Variants in STARD9 observed in about 807,000 individuals in gnomAD.
STARD9 encodes the protein stAR-related lipid transfer protein 9.
In STARD9, 346 loss-of-function variants were observed where a neutral mutation model predicts 399.8. That is an observed-to-expected ratio of 0.87 (90% CI 0.79 to 0.95). The LOEUF (loss-of-function observed/expected upper bound fraction) is 0.95. Ranked by LOEUF, STARD9 falls within the 40% of genes least tolerant of loss-of-function variation. The probability of loss-of-function intolerance (pLI) is 0.00; values close to 1 mark genes in which losing one functional copy is unlikely to be tolerated. For missense variants in STARD9, 5,832 were observed against 5,667.5 expected, an observed-to-expected ratio of 1.03 and a Z score of -0.93; for synonymous variants, 2,203 against 2,143.5, an observed-to-expected ratio of 1.03 and a Z score of -0.77.
chr15:42,577,885 C>CATT (rs1403721799), intron 1 of STARD9, among the ~76,000 whole-genome samples: 1 of 152,200 alleles, frequency 6.6e-6, no homozygotes, highest in Non-Finnish European at 1.5e-5. Flanking sequence ...AGTTGACAGT[C>CATT]ATTGGATCTG....
chr15:42,675,798 T>A, intron 19 of STARD9, 52 bp downstream of exon 19: 1 of 1,533,304 alleles, frequency 6.5e-7, no homozygotes, highest in Non-Finnish European at 8.7e-7. Context: ...GTTTCCACCT[T>A]TTAGATGAAA....
intron 3 of STARD9, among the ~76,000 whole-genome samples, chr15:42,592,619 A>G (rs980056830): frequency 6.6e-6 from 1 of 151,332 alleles, no homozygotes; most frequent in African/African-American, 2.4e-5. Context: ...TAATTTTTGT[A>G]TTTGTAGTAG....
At chr15:42,674,712 C>T in intron 17 of STARD9, 115 bp from the exon 18 acceptor site, 2 of 1,408,614 alleles carry the variant, frequency 1.4e-6, no homozygotes, top group Non-Finnish European at 9.3e-7. Flanking sequence ...AGCTCTTCCT[C>T]TTTTATTATG....
At chr15:42,594,483 T>G (rs937959340) in intron 3 of STARD9, among the ~76,000 whole-genome samples, 39 of 152,210 alleles carry the variant, frequency 2.6e-4, no homozygotes, top group African/African-American at 9.2e-4. Flanking sequence ...AAGAGTAACT[T>G]GTACAGAATT....
chr15:42,661,507 T>A (rs1000558831), intron 10 of STARD9, among the ~76,000 whole-genome samples: 3 of 152,084 alleles, frequency 2.0e-5, no homozygotes, highest in African/African-American at 7.2e-5. Context: ...TGCAGTAGTA[T>A]GATCATGGCT....
chr15:42,679,112 T>G (rs185998838), intron 20 of STARD9, among the ~76,000 whole-genome samples: 182 of 152,226 alleles, frequency 1.2e-3, no homozygotes, highest in African/African-American at 4.3e-3. Flanking sequence ...TCTCAGGGAG[T>G]TCAGATAAAG....
chr15:42,712,090 T>TATATA (rs1566966065), intron 26 of STARD9, among the ~76,000 whole-genome samples: 17 of 6,140 alleles, frequency 2.8e-3, no homozygotes, highest in Admixed American at 6.7e-3. Flanking sequence ...ATTATATATA[T>TATATA]ATATATAATA....
In STARD9 at chr15:42,719,850, T is replaced by C; in HGVS notation, c.*276T>C. ...CCGCTCACCTTTTGGATTTCTCACC[T>C]TTCTTTCCTGTTTCTGGGACTCTGC... is the stretch of plus-strand genomic sequence containing the variant. On this transcript the variant is annotated 3_prime_UTR_variant, in exon 33 of 33. Coordinates refer to ENST00000290607, the MANE Select transcript of STARD9 (RefSeq NM_020759.3). 2 of 360,158 alleles carry C rather than the reference T, an allele frequency of 5.6e-6. No individual in the cohort carries two copies. The highest frequency in any genetic ancestry group is 5.1e-5 in the South Asian group (1 of 19,632). 22.3% of individuals were successfully genotyped at this position (360,158 alleles called of 1,614,324 possible).
chr15:42,675,955 C>A lies in STARD9; in HGVS notation c.1854C>A (p.Ser618=), dbSNP rs2060302756. The A allele has an allele frequency of 6.5e-7, 1 of 1,536,012 alleles. No individual in the cohort carries two copies. Among genetic ancestry groups the A allele is most frequent in the African/African-American group, 1.4e-5 (1 of 72,684 alleles). Residue 618 remains serine (S), a synonymous_variant, in exon 20 of 33, where the codon TCC becomes TCA. Coordinates refer to ENST00000290607, the MANE Select transcript of STARD9 (RefSeq NM_020759.3). Reference sequence around the variant, plus strand: ...TCGCTGCCTCCCGGCTGGGTCTCTCCCCTTTGCTTTGGAAGGAAAGGTAAG... The same window carrying A: ...TCGCTGCCTCCCGGCTGGGTCTCTCACCTTTGCTTTGGAAGGAAAGGTAAG... ...GDLAASRLGL[S]PLLWKERRAL... is the part of the protein sequence containing the mutation.
chr15:42,588,776 GTTTTTTTTTTTTTTTTTTTTTT>G (rs758570571), intron 3 of STARD9, among the ~76,000 whole-genome samples: 21 of 38,402 alleles, frequency 5.5e-4, no homozygotes, highest in Admixed American at 2.6e-3. Flanking sequence ...TCTTCACAGC[GTTTTTTTTTTTTTTTTTTTTTT>G]TTTTTTTTTT....
intron 3 of STARD9, among the ~76,000 whole-genome samples, chr15:42,617,425 C>T (rs896892232): frequency 4.6e-5 from 7 of 152,000 alleles, no homozygotes; most frequent in East Asian, 3.9e-4. Context: ...TACAGTGGCA[C>T]GATGTTGGCT....
intron 2 of STARD9, among the ~76,000 whole-genome samples, chr15:42,583,897 AAGGGAGTC>A (rs912568854): frequency 2.6e-5 from 4 of 152,202 alleles, no homozygotes; most frequent in African/African-American, 7.2e-5. Context: ...CAGATCCCAG[AAGGGAGTC>A]AGTCACTAGC....
chr15:42,582,333 T>C (rs1417149698), intron 1 of STARD9, among the ~76,000 whole-genome samples: 1 of 152,192 alleles, frequency 6.6e-6, no homozygotes, highest in Admixed American at 6.5e-5. Context: ...GTGGAGGATG[T>C]TCTAATTAAT....
intron 3 of STARD9, among the ~76,000 whole-genome samples, chr15:42,606,042 C>T (rs2058716418): frequency 6.6e-6 from 1 of 152,158 alleles, no homozygotes; most frequent in Non-Finnish European, 1.5e-5. Context: ...AAAAGTTGTA[C>T]TTAATTTTGG....
intron 20 of STARD9, among the ~76,000 whole-genome samples, chr15:42,677,053 C>G (rs1031523219): frequency 2.9e-5 from 4 of 137,812 alleles, no homozygotes; most frequent in South Asian, 4.7e-4. Context: ...GAGATCAAGA[C>G]CATCCTGGCT....
Position 42,660,715 on chromosome 15 carries a change from C to T in STARD9, c.703-443C>T, listed in dbSNP as rs191081200. On this transcript the variant is annotated intron_variant, in intron 9 of 32. Transcript: ENST00000290607. ...ATGGCGCTAAATAGAACTTACAGGG[C>T]AGAGTTTCTACCCTGGCAAGTTAAG... 3.8e-3 allele frequency among the ~76,000 whole-genome samples: 585 copies of T among 152,080 alleles called. 2 individuals carry two copies. Among genetic ancestry groups the T allele is most frequent in the African/African-American group, 0.014 (561 of 41,498 alleles).
chr15:42,669,070 G>A (rs1566919576), intron 15 of STARD9, 88 bp from the exon 16 acceptor site: 1 of 1,182,642 alleles, frequency 8.5e-7, no homozygotes, highest in Non-Finnish European at 1.2e-6. Context: ...GCAGTACCCT[G>A]GGGAAATAGG....
intron 26 of STARD9, among the ~76,000 whole-genome samples, chr15:42,714,465 T>C (rs2140408517): frequency 6.6e-6 from 1 of 152,364 alleles, no homozygotes; most frequent in African/African-American, 2.4e-5. Context: ...TATTAATTCA[T>C]TTATTTTTAT....
Position 42,586,258 on chromosome 15 carries a change from T to A in STARD9, c.234+621T>A, listed in dbSNP as rs876992. Among the ~76,000 whole-genome samples the A allele has an allele frequency of 2.0e-5, 3 of 152,054 alleles. No individual in the cohort carries two copies. In the South Asian group the frequency reaches 6.2e-4, roughly 31 times the overall value. On this transcript the variant is annotated intron_variant, in intron 3 of 32. Coordinates refer to ENST00000290607, the MANE Select transcript of STARD9 (RefSeq NM_020759.3). ...TTAGGCTTGTACTTGTCCTCCTAGG[T>A]AGAGTGGAAAAGGGCTAGACAGCTA...
Sources: allele counts gnomAD v4.1 joint callset (sites outside exome capture counted in the v4.1 genomes callset), GRCh38; gene constraint gnomAD v4.1.1; transcripts MANE v1.5; gene names NCBI Gene and HGNC (gene_info 2026-07-23, HGNC 2026-07-21).